The following NOL9 variants were observed in gnomAD, a reference collection of about 807,000 sequenced individuals.
The protein encoded by NOL9 is nucleolar protein 9, also known as polynucleotide 5'-hydroxyl-kinase NOL9.
Under a neutral mutation model 67.9 loss-of-function variants are expected in NOL9, and 28 were observed. The observed-to-expected ratio is 0.41, with a 90% CI of 0.31 to 0.57. The LOEUF (loss-of-function observed/expected upper bound fraction) is 0.57. NOL9 is among the 20% of genes least tolerant of loss of function. The probability of loss-of-function intolerance (pLI) is 0.25; values close to 1 mark genes in which losing one functional copy is unlikely to be tolerated. For missense variants in NOL9, 777 were observed against 897.0 expected, an observed-to-expected ratio of 0.87 and a Z score of 1.71; for synonymous variants, 356 against 352.2, an observed-to-expected ratio of 1.01 and a Z score of -0.12.
Position 6,522,865 on chromosome 1 carries a change from C to G in NOL9, c.*2989G>C, listed in dbSNP as rs1638802036. ...CTCCACTGCACCCCAGCCTGGGCGA[C>G]AGAGCTAGACTCTGTCTCAAAAAAA... On this transcript the variant is annotated 3_prime_UTR_variant, in exon 12 of 12. Coordinates refer to ENST00000377705, the MANE Select transcript of NOL9 (RefSeq NM_024654.5). 8.8e-6 allele frequency: 1 copy of G among 113,898 alleles called. No homozygotes were observed. Among genetic ancestry groups the G allele is most frequent in the Non-Finnish European group, 1.7e-5 (1 of 60,396 alleles). The allele number at this position is 113,898 out of a possible 1,614,324, so 7.1% of individuals were successfully genotyped here.
chr1:6,540,500 TAG>T (rs1002334099), intron 6 of NOL9, among the ~76,000 whole-genome samples: 2 of 152,126 alleles, frequency 1.3e-5, no homozygotes, highest in Admixed American at 1.3e-4. Flanking sequence ...AAATTTTTTG[TAG>T]AGACAGGGTC....
Position 6,545,200 on chromosome 1 carries a change from C to T in NOL9, c.745-20G>A, listed in dbSNP as rs772215223. The T allele has an allele frequency of 4.3e-5, 69 of 1,599,400 alleles. No homozygotes were observed. The highest frequency in any genetic ancestry group is 5.9e-5 in the Non-Finnish European group (69 of 1,174,596). ...TGGACTCTGAAATCAACAATTTAAA[C>T]TTTAAGGTGAAAAAATGCATATTTT... On this transcript the variant is annotated intron_variant, in intron 3 of 11. Coordinates refer to ENST00000377705, the MANE Select transcript of NOL9 (RefSeq NM_024654.5).
intron 9 of NOL9, among the ~76,000 whole-genome samples, chr1:6,529,558 A>G (rs1180978542): frequency 6.6e-6 from 1 of 152,110 alleles, no homozygotes; most frequent in Non-Finnish European, 1.5e-5. Flanking sequence ...ACCGCACTCC[A>G]GCCTGGGTGA....
At chr1:6,550,695 T>G (rs4908920) in intron 1 of NOL9, 80 bp from the exon 2 acceptor site, 1 of 1,184,206 alleles carries the variant, frequency 8.4e-7, no homozygotes, top group Admixed American at 2.5e-5. Context: ...TTTTTTTTTT[T>G]TTTTTGAGAT....
chr1:6,528,779 T>C (rs575774660), intron 10 of NOL9, among the ~76,000 whole-genome samples: 60 of 152,280 alleles, frequency 3.9e-4, no homozygotes, highest in African/African-American at 1.3e-3. Flanking sequence ...GCCCAGGCCC[T>C]TGGGAAGCCT....
At position 6,525,603 on chromosome 1, in the gene NOL9, G is replaced by A. The variant is rs938508073; in HGVS notation, c.*251C>T. The A allele has an allele frequency of 6.3e-6, 3 of 474,806 alleles. No homozygotes were observed. The highest frequency in any genetic ancestry group is 6.8e-5 in the East Asian group (2 of 29,252). The allele number at this position is 474,806 out of a possible 1,614,324, so 29.4% of individuals were successfully genotyped here. ...TCTCTGTTTTAATGGCACACAAACT[G>A]TTCTCTGCTGTTTTACTCCCTCTGG... is the stretch of plus-strand genomic sequence containing the variant. On this transcript the variant is annotated 3_prime_UTR_variant, in exon 12 of 12. Coordinates refer to ENST00000377705, the MANE Select transcript of NOL9 (RefSeq NM_024654.5).
Position 6,550,628 on chromosome 1 carries a change from G to T in NOL9, c.397-13C>A. 1 of 1,544,478 alleles carries T rather than the reference G, an allele frequency of 6.5e-7. No individual in the cohort carries two copies. Reference sequence around the variant, plus strand: ...TAAAAGTAAAACCCTAGCAGGGAGAGAAAACAGAAAAAACATTATAGATCA... The same window carrying T: ...TAAAAGTAAAACCCTAGCAGGGAGATAAAACAGAAAAAACATTATAGATCA... On this transcript the variant is annotated splice_polypyrimidine_tract_variant and intron_variant, in intron 1 of 11. Transcript: ENST00000377705.
chr1:6,531,305 C>T (rs777442644), intron 9 of NOL9, among the ~76,000 whole-genome samples: 1 of 152,044 alleles, frequency 6.6e-6, no homozygotes, highest in Non-Finnish European at 1.5e-5. Context: ...CCTCCGCCTC[C>T]TGGGTTCAAG....
At chr1:6,545,007 T>G (rs374532639) in intron 4 of NOL9, 38 bp downstream of exon 4, 2 of 1,614,034 alleles carry the variant, frequency 1.2e-6, no homozygotes. Context: ...GGGGGTCTGG[T>G]GGACAGACAT....
At chr1:6,533,510 T>G (rs1435033974) in intron 6 of NOL9, 69 bp from the exon 7 acceptor site, 1 of 1,217,178 alleles carries the variant, frequency 8.2e-7, no homozygotes, top group African/African-American at 1.5e-5. Flanking sequence ...TAAAAGGTGG[T>G]GAGGGTTTTG....
chr1:6,526,725 C>T lies in NOL9; in HGVS notation c.1930G>A (p.Ala644Thr). ...TVNCLLVGAI[A>T]IPHCVLKCQR... ...CACTTAAGGACACAATGTGGAATGG[C>T]AATAGCTCCAACGAGCAGACAATTC... The change falls in exon 11 of 12, where the codon GCC (alanine) becomes ACC (threonine). Residue 644 changes from alanine (A) to threonine (T), a missense_variant. Ala to Thr is a moderately conservative substitution (Grantham distance 58). Coordinates refer to ENST00000377705, the MANE Select transcript of NOL9 (RefSeq NM_024654.5). 6.2e-7 allele frequency: 1 copy of T among 1,613,756 alleles called. No homozygotes were observed. Among genetic ancestry groups the T allele is most frequent in the Non-Finnish European group, 8.5e-7 (1 of 1,179,784 alleles).
rs1557784935 is a variant in NOL9, at chr1:6,533,321, C to A, written c.1196G>T (p.Arg399Ile). Residue 399 changes from arginine to isoleucine, a missense_variant, in exon 7 of 12, where the codon AGA becomes ATA. Coordinates refer to ENST00000377705, the MANE Select transcript of NOL9 (RefSeq NM_024654.5). ...AGTGTTGACGATGAGAGGGGACTCT[C>A]TCTTGTAAGCGCTGAACACATATTT... ...IVKYVFSAYK[R>I]ESPLIVNTMG... The A allele has an allele frequency of 6.2e-7, 1 of 1,610,968 alleles. No homozygotes were observed. The highest frequency in any genetic ancestry group is 8.5e-7 in the Non-Finnish European group (1 of 1,178,360).
In NOL9 at chr1:6,525,714, C is replaced by T. The variant is rs1043122460; in HGVS notation, c.*140G>A. The T allele has an allele frequency of 5.9e-6, 5 of 841,182 alleles. No homozygotes were observed. Among genetic ancestry groups the T allele is most frequent in the Non-Finnish European group, 7.7e-6 (4 of 520,796 alleles). 52.1% of individuals were successfully genotyped at this position (841,182 alleles called of 1,614,324 possible). A position where few individuals can be genotyped will look rare whatever the true frequency, so the allele number is the denominator to read the frequency against. ...AGAGAAACTTAAGACTACTATATGA[C>T]ATTCACGAATTACACAAAAAACACT... On this transcript the variant is annotated 3_prime_UTR_variant, in exon 12 of 12. Transcript: ENST00000377705.
In NOL9 at chr1:6,532,661, G is replaced by C. The variant is rs781724724; in HGVS notation, c.1337C>G (p.Thr446Ser). The change falls in exon 8 of 12, where the codon ACC becomes AGC. Residue 446 changes from threonine to serine, a missense_variant. Transcript: ENST00000377705. ...SDHSKYMPDL[T>S]PQYVDDMDGL... ...ATCCATGTCATCTACATACTGCGGG[G>C]TAAGGTCTGGCATATATTTACTGTG... The C allele has an allele frequency of 2.5e-6, 4 of 1,614,168 alleles. No homozygotes were observed. Among genetic ancestry groups the C allele is most frequent in the Non-Finnish European group, 3.4e-6 (4 of 1,180,032 alleles).
chr1:6,540,124 CTTTTT>C (rs770304509), intron 6 of NOL9, among the ~76,000 whole-genome samples: 6 of 104,382 alleles, frequency 5.7e-5, no homozygotes, highest in African/African-American at 1.6e-4. Context: ...GAGAGTTATT[CTTTTT>C]TTTTTTTTTT....
In NOL9 at chr1:6,522,232, GA is replaced by G. The variant is rs1638785362; in HGVS notation, c.*3621del. ...GTAGTGGCGGGCGCCTGTAATCCCG[GA>G]TACTTTGAAAATTACATACAAAAAT... On this transcript the variant is annotated 3_prime_UTR_variant, in exon 12 of 12. Transcript: ENST00000377705. 2 of 152,102 alleles carry G rather than the reference GA, an allele frequency of 1.3e-5. No homozygotes were observed. The highest frequency in any genetic ancestry group is 1.3e-4 in the Admixed American group (2 of 15,270). The allele number at this position is 152,102 out of a possible 1,614,324, so 9.4% of individuals were successfully genotyped here.
Position 6,554,205 on chromosome 1 carries a change from C to A in NOL9, c.298G>T (p.Glu100Ter). Residue 100 changes from glutamate to a stop codon, truncating the protein, a stop_gained, in exon 1 of 12, where the codon GAA becomes TAA. Coordinates refer to ENST00000377705, the MANE Select transcript of NOL9 (RefSeq NM_024654.5). LOFTEE classifies it high-confidence loss of function. ...TGGCAACTCGAGGCGGATTCGAGTT[C>A]GGGTTCGGACTCGGGTTCGGAGGCC... ...TPASEPESEP[E>*]LESASSCHRP... The A allele has an allele frequency of 6.6e-7, 1 of 1,519,858 alleles. No individual in the cohort carries two copies. Among genetic ancestry groups the A allele is most frequent in the Non-Finnish European group, 8.8e-7 (1 of 1,133,000 alleles). The allele number at this position is 1,519,858 out of a possible 1,614,324, so 94.1% of individuals were successfully genotyped here.
chr1:6,549,569 A>G lies in NOL9; in HGVS notation c.744+2T>C. On this transcript the variant is annotated splice_donor_variant, in intron 3 of 11. Coordinates refer to ENST00000377705, the MANE Select transcript of NOL9 (RefSeq NM_024654.5). LOFTEE classifies it high-confidence loss of function. ...AAAACTCTGAATGAAAACGGGTTCTACCTCTTGCACAAAAATGTAGGATGA... is the reference window on the plus strand; with the variant it reads ...AAAACTCTGAATGAAAACGGGTTCTGCCTCTTGCACAAAAATGTAGGATGA... The G allele has an allele frequency of 6.2e-7, 1 of 1,613,748 alleles. No homozygotes were observed.
At chr1:6,527,360 T>C (rs1362207593) in intron 10 of NOL9, among the ~76,000 whole-genome samples, 2 of 151,490 alleles carry the variant, frequency 1.3e-5, no homozygotes, top group African/African-American at 4.8e-5. Flanking sequence ...GCAAAAGTCC[T>C]AGATTGGGCC....
Sources: gnomAD v4.1 joint callset for allele counts (sites outside exome capture counted in the v4.1 genomes callset) on GRCh38, gnomAD v4.1.1 for gene constraint, MANE v1.5 for transcripts, NCBI Gene and HGNC (gene_info 2026-07-23, HGNC 2026-07-21) for gene names.